Variants in SBSPON observed in about 807,000 individuals in gnomAD.
SBSPON encodes somatomedin B and thrombospondin type 1 domain containing, also known as somatomedin-B and thrombospondin type-1 domain-containing protein.
A neutral mutation model predicts 35.8 loss-of-function variants in SBSPON; 30 were observed. The observed-to-expected ratio is 0.84, with a 90% CI of 0.63 to 1.14. SBSPON has a LOEUF of 1.14. Ranked by LOEUF, SBSPON falls within the 50% of genes most tolerant of loss-of-function variation. SBSPON has a pLI of 0.00. For missense variants in SBSPON, 364 were observed against 357.7 expected (o/e 1.02, Z -0.14); for synonymous variants, 136 against 135.9 (o/e 1.00, Z 0.00).
chr8:73,080,365 A>C (rs1810672475), intron 2 of SBSPON, among the ~76,000 whole-genome samples: 1 of 152,040 alleles, frequency 6.6e-6, no homozygotes, highest in Non-Finnish European at 1.5e-5. Flanking sequence ...AATACAAAAA[A>C]TTAGCCGGGC....
intron 2 of SBSPON, among the ~76,000 whole-genome samples, chr8:73,077,529 G>A (rs1436413875): frequency 1.3e-5 from 2 of 152,236 alleles, no homozygotes; most frequent in Non-Finnish European, 2.9e-5. Context: ...TCACCACCGT[G>A]AGTTCTATTT....
At chr8:73,078,994 C>G (rs1038318655) in intron 2 of SBSPON, among the ~76,000 whole-genome samples, 1 of 152,146 alleles carries the variant, frequency 6.6e-6, no homozygotes, top group Admixed American at 6.5e-5. Flanking sequence ...TGTGCTCCCC[C>G]ATGTTACATA....
intron 1 of SBSPON, among the ~76,000 whole-genome samples, chr8:73,088,709 A>C (rs1162245895): frequency 6.6e-6 from 1 of 152,118 alleles, no homozygotes; most frequent in East Asian, 1.9e-4. Flanking sequence ...AGAGAAGAAG[A>C]GAGTCTAAGA....
chr8:73,089,231 T>C (rs1036135477), intron 1 of SBSPON, among the ~76,000 whole-genome samples: 3 of 152,164 alleles, frequency 2.0e-5, no homozygotes, highest in African/African-American at 7.2e-5. Context: ...GTCATATGGG[T>C]TTGTGGACCT....
intron 1 of SBSPON, among the ~76,000 whole-genome samples, chr8:73,084,464 T>C (rs1304955906): frequency 2.0e-5 from 3 of 152,228 alleles, no homozygotes; most frequent in Non-Finnish European, 2.9e-5. Context: ...TACAAGGTTC[T>C]GTTCCTGTGT....
Position 73,093,013 on chromosome 8 carries a change from G to C in SBSPON, c.55C>G (p.Gln19Glu). 1 of 1,428,398 alleles carries C rather than the reference G, an allele frequency of 7.0e-7. No homozygotes were observed. The highest frequency in any genetic ancestry group is 1.5e-5 in the South Asian group (1 of 64,706). The allele number at this position is 1,428,398 out of a possible 1,614,324, so 88.5% of individuals were successfully genotyped here. Residue 19 changes from glutamine to glutamate, a missense_variant, in exon 1 of 5, where the codon CAG (glutamine) becomes GAG (glutamate). By Grantham distance (29) the Gln-to-Glu change is conservative (BLOSUM62 2). Transcript: ENST00000297354. Reference sequence around the variant, plus strand: ...CGCCCGGCCTCGGCGCAGCCGGCCTGGGCCCCGGGCCACAGCCGCGACAGC... The same window carrying C: ...CGCCCGGCCTCGGCGCAGCCGGCCTCGGCCCCGGGCCACAGCCGCGACAGC... ...CALSRLWPGA[Q>E]AGCAEAGRCC...
intron 1 of SBSPON, among the ~76,000 whole-genome samples, chr8:73,091,122 G>A (rs903707004): frequency 1.3e-5 from 2 of 152,114 alleles, no homozygotes; most frequent in South Asian, 2.1e-4. Context: ...TTGGCCTCAG[G>A]GCCTAGCACA....
chr8:73,076,122 C>T (rs1810590396), intron 2 of SBSPON, among the ~76,000 whole-genome samples: 1 of 152,072 alleles, frequency 6.6e-6, no homozygotes, highest in African/African-American at 2.4e-5. Flanking sequence ...TGGGAAAATC[C>T]CATAAGACTT....
intron 4 of SBSPON, among the ~76,000 whole-genome samples, chr8:73,067,875 A>G (rs1810423544): frequency 6.7e-6 from 1 of 150,368 alleles, no homozygotes; most frequent in Non-Finnish European, 1.5e-5. Context: ...TCACAAACAG[A>G]GTTTCCCTTG....
intron 2 of SBSPON, among the ~76,000 whole-genome samples, chr8:73,074,019 GA>G (rs1357831636): frequency 1.3e-5 from 2 of 152,142 alleles, no homozygotes; most frequent in African/African-American, 4.8e-5. Context: ...GTTTCTCTGA[GA>G]CCTAATTATC....
chr8:73,070,371 G>A (rs1435612389), intron 3 of SBSPON, among the ~76,000 whole-genome samples: 1 of 152,152 alleles, frequency 6.6e-6, no homozygotes, highest in Non-Finnish European at 1.5e-5. Context: ...ACAAGCACTT[G>A]CTTGAGCCTG....
intron 1 of SBSPON, among the ~76,000 whole-genome samples, chr8:73,086,277 C>G (rs952682273): frequency 1.3e-5 from 2 of 152,118 alleles, no homozygotes; most frequent in South Asian, 4.1e-4. Context: ...TCTCATGCTT[C>G]AGCCTCCCGA....
Position 73,082,015 on chromosome 8 carries a change from C to T in SBSPON, c.215-802G>A, listed in dbSNP as rs543867218. Among the ~76,000 whole-genome samples the T allele has an allele frequency of 5.9e-5, 9 of 152,296 alleles. No homozygotes were observed. The South Asian group carries it at 6.2e-4, about 11-fold the overall frequency. The stretch of plus-strand genomic sequence containing the variant: ...CTCAGCTGGTTTCTCAGCAAACAGC[C>T]GTGCACTGGGCTGCTCCCTGGAGTC... On this transcript the variant is annotated intron_variant, in intron 1 of 4. Coordinates refer to ENST00000297354, the MANE Select transcript of SBSPON (RefSeq NM_153225.4).
intron 1 of SBSPON, 108 bp from the exon 2 acceptor site, chr8:73,081,321 GC>G: frequency 1.1e-6 from 1 of 909,268 alleles, no homozygotes; most frequent in Non-Finnish European, 1.6e-6. Context: ...ACTTTGCCTG[GC>G]CCCAGGCCCT....
At chr8:73,070,687 A>T (rs1276582976) in intron 3 of SBSPON, among the ~76,000 whole-genome samples, 2 of 152,236 alleles carry the variant, frequency 1.3e-5, no homozygotes, top group Non-Finnish European at 2.9e-5. Context: ...GCCCAGGGGA[A>T]CATCCAGACA....
intron 1 of SBSPON, among the ~76,000 whole-genome samples, chr8:73,090,765 A>C (rs2130046821): frequency 6.6e-6 from 1 of 152,234 alleles, no homozygotes; most frequent in South Asian, 2.1e-4. Flanking sequence ...TCAATCTGAC[A>C]CCATCTCCTT....
At chr8:73,077,948 A>C (rs1025551537) in intron 2 of SBSPON, among the ~76,000 whole-genome samples, 3 of 152,184 alleles carry the variant, frequency 2.0e-5, no homozygotes, top group African/African-American at 7.2e-5. Flanking sequence ...GATTTACCCC[A>C]TATTTTCCTA....
chr8:73,077,471 T>G (rs1327896590), intron 2 of SBSPON, among the ~76,000 whole-genome samples: 2 of 152,226 alleles, frequency 1.3e-5, no homozygotes, highest in Non-Finnish European at 2.9e-5. Context: ...AGTGTGGGCT[T>G]CTTCTCCATG....
chr8:73,091,968 G>A (rs1810943901), intron 1 of SBSPON, among the ~76,000 whole-genome samples: 1 of 152,158 alleles, frequency 6.6e-6, no homozygotes. Context: ...TGGCTTTGGG[G>A]ATGATGTGAT....
Sources: gnomAD v4.1 joint callset for allele counts (sites outside exome capture counted in the v4.1 genomes callset) on GRCh38, gnomAD v4.1.1 for gene constraint, MANE v1.5 for transcripts, NCBI Gene and HGNC (gene_info 2026-07-23, HGNC 2026-07-21) for gene names.